Variants in ZNF385D observed in about 807,000 individuals in gnomAD.
ZNF385D encodes zinc finger protein 385D.
Under a neutral mutation model 35.8 loss-of-function variants are expected in ZNF385D, and 15 were observed. The observed-to-expected ratio is 0.42, with a 90% CI of 0.28 to 0.64. The LOEUF (loss-of-function observed/expected upper bound fraction) is 0.64. Among genes scored for constraint, ZNF385D ranks in the 30% least tolerant of loss-of-function variants. The pLI is 0.23. For missense variants in ZNF385D, 474 were observed against 494.6 expected, an observed-to-expected ratio of 0.96 and a Z score of 0.39; for synonymous variants, 212 against 186.8, an observed-to-expected ratio of 1.13 and a Z score of -1.10.
At chr3:22,118,219 A>C (rs539049144) in intron 3 of ZNF385D, among the ~76,000 whole-genome samples, 1 of 152,236 alleles carries the variant, frequency 6.6e-6, no homozygotes, top group African/African-American at 2.4e-5. Context: ...CCATTGTTCT[A>C]AAGTATGCCA....
chr3:22,184,774 C>G (rs1472100667), intron 2 of ZNF385D, among the ~76,000 whole-genome samples: 1 of 152,062 alleles, frequency 6.6e-6, no homozygotes, highest in Non-Finnish European at 1.5e-5. Flanking sequence ...TGCACTCCAG[C>G]CCGGGTGACA....
chr3:21,423,848 C>T (rs1339806330), intron 7 of ZNF385D, 115 bp downstream of exon 7: 2 of 936,446 alleles, frequency 2.1e-6, no homozygotes, highest in East Asian at 2.9e-5. Context: ...GAACTCAACT[C>T]AAAAAGGTAA....
chr3:21,794,912 GA>G (rs2072082979), intron 3 of ZNF385D, among the ~76,000 whole-genome samples: 1 of 152,114 alleles, frequency 6.6e-6, no homozygotes, highest in Non-Finnish European at 1.5e-5. Flanking sequence ...ATGCTATTAT[GA>G]CAATTAAGTA....
chr3:21,621,554 C>CGTGTGTGTGTGTGTGTGTGTGTGTGT (rs58332425), intron 2 of ZNF385D, among the ~76,000 whole-genome samples: 1 of 136,904 alleles, frequency 7.3e-6, no homozygotes, highest in Non-Finnish European at 1.5e-5. Flanking sequence ...AAAAAATTCC[C>CGTGTGTGTGTGTGTGTGTGTGTGTGT]GTGTGTGTGT....
rs1321560543 is a variant in ZNF385D at position 21,935,076 on chromosome 3, T to C, written c.325+233741A>G. The stretch of plus-strand genomic sequence containing the variant: ...TTAAAACTATGCCACATTAATTAAC[T>C]GATTTGCCTAATAAGTCTCCTTTAT... On this transcript the variant is annotated intron_variant, in intron 3 of 5. Transcript: ENST00000494108. 5.3e-5 allele frequency among the ~76,000 whole-genome samples: 8 copies of C among 152,314 alleles called. No individual in the cohort carries two copies. The South Asian group carries it at 1.7e-3, about 32-fold the overall frequency.
chr3:22,049,404 T>C (rs1440907318), intron 3 of ZNF385D, among the ~76,000 whole-genome samples: 1 of 152,136 alleles, frequency 6.6e-6, no homozygotes, highest in African/African-American at 2.4e-5. Flanking sequence ...TTAGTTCTAA[T>C]AGGGTGTTCT....
upstream of ZNF385D, among the ~76,000 whole-genome samples, chr3:21,752,007 A>ACCCCCCCCCCCC (rs71044940): frequency 2.3e-5 from 2 of 88,620 alleles, no homozygotes; most frequent in African/African-American, 4.9e-5. Flanking sequence ...ACACACACCC[A>ACCCCCCCCCCCC]CCCCCCTCCC....
intron 3 of ZNF385D, among the ~76,000 whole-genome samples, chr3:21,893,759 G>T (rs9826400): frequency 0.24 from 35,964 of 152,020 alleles, 4,339 homozygotes; most frequent in Middle Eastern, 0.3. Context: ...AGAACTCAGA[G>T]AATTAAAAAA....
rs531854633 is a variant in ZNF385D, at chr3:22,159,860, G to A, written c.325+8957C>T. ...GGCTGAACTTCTGAAGGATATGGTC[G>A]GTAAGAGAAAAGTATGAGGAAAGCG... On this transcript the variant is annotated intron_variant, in intron 3 of 5. Coordinates refer to the ZNF385D transcript ENST00000494108. Among the ~76,000 whole-genome samples the A allele has an allele frequency of 1.1e-4, 17 of 151,994 alleles. No homozygotes were observed. In the South Asian group the frequency reaches 2.1e-3, roughly 19 times the overall value.
chr3:22,139,059 A>G lies in ZNF385D; in HGVS notation c.325+29758T>C, dbSNP rs527911535. ...AGACATTTATGCGGCCAACAGACAC[A>G]ATGAGATACCATCTCACACCAGTTA... is the stretch of plus-strand genomic sequence containing the variant. On this transcript the variant is annotated intron_variant, in intron 3 of 5. Transcript: ENST00000494108. 4.7e-4 allele frequency among the ~76,000 whole-genome samples: 72 copies of G among 152,038 alleles called. 1 individual carries two copies. Among genetic ancestry groups the G allele is most frequent in the Admixed American group, 4.7e-3 (71 of 15,238 alleles).
At chr3:22,154,206 G>C (rs1705440362) in intron 3 of ZNF385D, among the ~76,000 whole-genome samples, 1 of 152,114 alleles carries the variant, frequency 6.6e-6, no homozygotes, top group Non-Finnish European at 1.5e-5. Flanking sequence ...TATTGTTGAA[G>C]GCCTGCCACT....
intron 3 of ZNF385D, among the ~76,000 whole-genome samples, chr3:22,022,933 G>C (rs752781729): frequency 7.9e-5 from 12 of 152,232 alleles, no homozygotes; most frequent in Non-Finnish European, 1.3e-4. Flanking sequence ...GCCCTGTGGG[G>C]ATCAGGGAAG....
intron 2 of ZNF385D, among the ~76,000 whole-genome samples, chr3:21,588,621 CTG>C (rs1219653187): frequency 6.6e-6 from 1 of 151,870 alleles, no homozygotes; most frequent in Non-Finnish European, 1.5e-5. Flanking sequence ...TTTTAAAAGT[CTG>C]TTTTCTTAAA....
intron 2 of ZNF385D, among the ~76,000 whole-genome samples, chr3:22,201,567 A>G (rs544151405): frequency 6.6e-6 from 1 of 152,190 alleles, no homozygotes; most frequent in Non-Finnish European, 1.5e-5. Flanking sequence ...ATTGAATTGT[A>G]GGTATTTGTA....
chr3:21,435,243 G>C (rs1423366487), intron 5 of ZNF385D, among the ~76,000 whole-genome samples: 2 of 142,914 alleles, frequency 1.4e-5, no homozygotes, highest in Non-Finnish European at 3.0e-5. Context: ...AATTCAAGAA[G>C]AACAACTCCC....
chr3:22,356,853 AAAG>A (rs1378495537), intron 2 of ZNF385D, among the ~76,000 whole-genome samples: 6 of 151,658 alleles, frequency 4.0e-5, no homozygotes, highest in Non-Finnish European at 7.4e-5. Context: ...TATTTAAAAG[AAAG>A]AATAAGATAA....
At chr3:21,451,764 G>A (rs1300176241) in intron 4 of ZNF385D, among the ~76,000 whole-genome samples, 2 of 151,980 alleles carry the variant, frequency 1.3e-5, no homozygotes, top group African/African-American at 4.8e-5. Flanking sequence ...CCTCAGTATA[G>A]TACTACGAGA....
intron 3 of ZNF385D, among the ~76,000 whole-genome samples, chr3:21,756,656 A>G (rs1450040299): frequency 6.6e-6 from 1 of 152,352 alleles, no homozygotes; most frequent in South Asian, 2.1e-4. Flanking sequence ...GTGGGACATT[A>G]TAAGAGCAAA....
chr3:21,476,251 T>C (rs960132661), intron 4 of ZNF385D, among the ~76,000 whole-genome samples: 45 of 152,118 alleles, frequency 3.0e-4, no homozygotes, highest in African/African-American at 1.1e-3. Flanking sequence ...GATTTAAGCA[T>C]TGTCATCATG....
Sources: allele counts gnomAD v4.1 joint callset (sites outside exome capture counted in the v4.1 genomes callset), GRCh38; gene constraint gnomAD v4.1.1; transcripts MANE v1.5; gene names NCBI Gene and HGNC (gene_info 2026-07-23, HGNC 2026-07-21).